CPLANE1: variants seen among roughly 807,000 people sequenced by gnomAD.
The protein encoded by CPLANE1 is ciliogenesis and planar polarity effector 1.
A neutral mutation model predicts 362.5 loss-of-function variants in CPLANE1; 263 were observed. The ratio of observed to expected loss-of-function variants is 0.73; its 90% CI spans 0.66 to 0.80. The LOEUF (loss-of-function observed/expected upper bound fraction) is 0.80. Among genes scored for constraint, CPLANE1 ranks in the 30% least tolerant of loss-of-function variants. The probability of loss-of-function intolerance (pLI) is 0.00; values close to 1 mark genes in which losing one functional copy is unlikely to be tolerated. For missense variants in CPLANE1, 3,461 were observed against 3,793.4 expected (o/e 0.91, Z 2.30); for synonymous variants, 1,212 against 1,302.6 (o/e 0.93, Z 1.50).
chr5:37,079,843 CAT>C, the CPLANE1 span, among the ~76,000 whole-genome samples: 2 of 152,176 alleles, frequency 1.3e-5, no homozygotes, highest in African/African-American at 4.8e-5. Context: ...CAAAGCAAGA[CAT>C]AAAGCATAGT....
intron 24 of CPLANE1, 46 bp downstream of exon 24, chr5:37,186,240 C>T (rs1580532291): frequency 6.2e-6 from 6 of 961,092 alleles, no homozygotes; most frequent in Non-Finnish European, 9.9e-6. Context: ...AAAAGGGAAT[C>T]TTCTGCAATT....
intron 15 of CPLANE1, among the ~76,000 whole-genome samples, chr5:37,218,821 G>A (rs755607066): frequency 2.6e-5 from 4 of 151,784 alleles, no homozygotes; most frequent in African/African-American, 4.8e-5. Flanking sequence ...GGTGGCAGGC[G>A]CCTGTAATCC....
chr5:37,248,546 G>A (rs901861522), intron 1 of CPLANE1, among the ~76,000 whole-genome samples: 2 of 152,144 alleles, frequency 1.3e-5, no homozygotes, highest in Non-Finnish European at 2.9e-5. Flanking sequence ...CACGGAGGCT[G>A]AGATGGGAAG....
At chr5:37,184,002 A>G (rs1783326585) in intron 25 of CPLANE1, among the ~76,000 whole-genome samples, 1 of 152,212 alleles carries the variant, frequency 6.6e-6, no homozygotes, top group African/African-American at 2.4e-5. Context: ...TTCTGTGGGT[A>G]AAAGAAATAG....
At chr5:37,120,420 T>C in intron 49 of CPLANE1, 80 bp from the exon 50 acceptor site, 1 of 1,297,914 alleles carries the variant, frequency 7.7e-7, no homozygotes, top group Non-Finnish European at 1.0e-6. Context: ...AAAGCCCAAA[T>C]TAAGCTGGGC....
Position 37,202,383 on chromosome 5 carries a change from C to T in CPLANE1, c.3290-575G>A, listed in dbSNP as rs144431735. Among the ~76,000 whole-genome samples, 259 of 152,172 alleles carry T rather than the reference C, an allele frequency of 1.7e-3. 2 individuals carry two copies. The highest frequency in any genetic ancestry group is 6.1e-3 in the African/African-American group (253 of 41,524). Reference sequence around the variant, plus strand: ...ATGTTGGTCAGGCTGGTCTTGAACTCCTGATCTCAGGTGATCCACCTAGCC... The same window carrying T: ...ATGTTGGTCAGGCTGGTCTTGAACTTCTGATCTCAGGTGATCCACCTAGCC... On this transcript the variant is annotated intron_variant, in intron 18 of 52. Coordinates refer to ENST00000651892, the MANE Select transcript of CPLANE1 (RefSeq NM_001384732.1).
chr5:37,146,183 C>CT (rs142641586), intron 43 of CPLANE1, among the ~76,000 whole-genome samples: 21,268 of 146,472 alleles, frequency 0.15, 1,700 homozygotes, highest in African/African-American at 0.21. Flanking sequence ...AATTAAAAAG[C>CT]TTTTTTTTTT....
Position 37,107,648 on chromosome 5 carries a change from C to A in CPLANE1, c.9710G>T (p.Ser3237Ile). 2 of 1,611,316 alleles carry A rather than the reference C, an allele frequency of 1.2e-6. No individual in the cohort carries two copies. Among genetic ancestry groups the A allele is most frequent in the Non-Finnish European group, 1.7e-6 (2 of 1,179,334 alleles). ...GACAGACAGGCCCTGGTCCTCCACGCTGGCCACCATGTCTTCGATGGCATT... is the reference window on the plus strand; with the variant it reads ...GACAGACAGGCCCTGGTCCTCCACGATGGCCACCATGTCTTCGATGGCATT... ...DWNAIEDMVA[S>I]VEDQGLSVHW... The change falls in exon 53 of 53, where the codon AGC (serine) becomes ATC (isoleucine). Residue 3237 changes from serine to isoleucine, a missense_variant. Transcript: ENST00000651892.
At chr5:37,089,977 T>C in the CPLANE1 span, among the ~76,000 whole-genome samples, 3 of 152,224 alleles carry the variant, frequency 2.0e-5, no homozygotes, top group Non-Finnish European at 4.4e-5. Context: ...TTTAAATTTA[T>C]ATTCCTCTGT....
At position 37,161,928 on chromosome 5, in the gene CPLANE1, C is replaced by T. The variant is rs1341243633; in HGVS notation, c.7690+537G>A. 3.9e-5 allele frequency among the ~76,000 whole-genome samples: 6 copies of T among 152,046 alleles called. 2 individuals are homozygous for T. In the South Asian group the frequency reaches 1.2e-3, roughly 32 times the overall value. On this transcript the variant is annotated intron_variant, in intron 38 of 52. Transcript: ENST00000651892. ...GTACATGGGTAAAAGAAATTGTTTA[C>T]TAAAAATCATAAAAAAGAATTTCTG...
Position 37,164,154 on chromosome 5 carries a change from T to C in CPLANE1, c.7588+119A>G, listed in dbSNP as rs1580326055. 2.1e-5 allele frequency: 16 copies of C among 761,852 alleles called. No individual in the cohort carries two copies. In the East Asian group the frequency reaches 4.0e-4, roughly 19 times the overall value. The allele number at this position is 761,852 out of a possible 1,614,324, so 47.2% of individuals were successfully genotyped here. On this transcript the variant is annotated intron_variant, in intron 37 of 52. Transcript: ENST00000651892. ...TGAGGGGGGTGGAGTATAGGAACCC[T>C]TGAATTTGTAGTCAGCTGGGCAGAA...
At chr5:37,155,841 G>A (rs551793963) in intron 41 of CPLANE1, among the ~76,000 whole-genome samples, 1 of 152,304 alleles carries the variant, frequency 6.6e-6, no homozygotes, top group East Asian at 1.9e-4. Context: ...GCTATTAAAT[G>A]ACAGAGCTGG....
Position 37,182,842 on chromosome 5 carries a change from G to A in CPLANE1, c.5339C>T (p.Ser1780Phe). The change falls in exon 26 of 53, where the codon TCT (serine) becomes TTT (phenylalanine). Residue 1780 changes from serine to phenylalanine, a missense_variant. Physicochemically the swap from Ser to Phe is radical, Grantham distance 155. Coordinates refer to ENST00000651892, the MANE Select transcript of CPLANE1 (RefSeq NM_001384732.1). ...TAATGATGTAAGAATGGCAGCTGTA[G>A]AGGTCTTTACACGAATTACTGGACT... is the stretch of plus-strand genomic sequence containing the variant. ...EYSPVIRVKT[S>F]TAAILTSLWL... is the part of the protein sequence containing the mutation. 6.2e-7 allele frequency: 1 copy of A among 1,613,592 alleles called. No individual in the cohort carries two copies. The highest frequency in any genetic ancestry group is 1.1e-5 in the South Asian group (1 of 90,914).
At chr5:37,137,553 T>C (rs1015923541) in intron 46 of CPLANE1, among the ~76,000 whole-genome samples, 1 of 152,222 alleles carries the variant, frequency 6.6e-6, no homozygotes, top group Non-Finnish European at 1.5e-5. Flanking sequence ...CACTGCTAAA[T>C]AAGACATACC....
At chr5:37,146,592 A>C (rs1771673693) in intron 43 of CPLANE1, among the ~76,000 whole-genome samples, 1 of 152,208 alleles carries the variant, frequency 6.6e-6, no homozygotes, top group South Asian at 2.1e-4. Flanking sequence ...ATGTTTTAAA[A>C]ATGGACCTGA....
intron 32 of CPLANE1, 22 bp downstream of exon 32, chr5:37,173,733 A>T: frequency 6.3e-7 from 1 of 1,585,110 alleles, no homozygotes; most frequent in Non-Finnish European, 8.6e-7. Flanking sequence ...AGATTTACTT[A>T]CTTATATAGA....
Position 37,229,526 on chromosome 5 carries a change from G to A in CPLANE1, c.1121+1341C>T, listed in dbSNP as rs185376980. 9.0e-5 allele frequency among the ~76,000 whole-genome samples: 13 copies of A among 144,870 alleles called. No individual in the cohort carries two copies. In the Admixed American group the frequency reaches 9.1e-4, roughly 10 times the overall value. ...CGCACTCCAGCCTGGGGGACAGAGCGAGACTCTGTCTCAAAATAAATAAAT... is the reference window on the plus strand; with the variant it reads ...CGCACTCCAGCCTGGGGGACAGAGCAAGACTCTGTCTCAAAATAAATAAAT... On this transcript the variant is annotated intron_variant, in intron 9 of 52. Coordinates refer to ENST00000651892, the MANE Select transcript of CPLANE1 (RefSeq NM_001384732.1).
At chr5:37,184,737 G>A in intron 25 of CPLANE1, 51 bp downstream of exon 25, 1 of 1,518,070 alleles carries the variant, frequency 6.6e-7, no homozygotes, top group South Asian at 1.3e-5. Flanking sequence ...ATGCCTGAAA[G>A]CTACTTTTCA....
intron 50 of CPLANE1, among the ~76,000 whole-genome samples, chr5:37,116,312 C>T (rs1450085297): frequency 6.6e-6 from 1 of 151,916 alleles, no homozygotes; most frequent in Non-Finnish European, 1.5e-5. Context: ...TGGTGAAACC[C>T]TGTCTCTACT....
Sources: allele counts gnomAD v4.1 joint callset (sites outside exome capture counted in the v4.1 genomes callset), GRCh38; gene constraint gnomAD v4.1.1; transcripts MANE v1.5; gene names NCBI Gene and HGNC (gene_info 2026-07-23, HGNC 2026-07-21).